The following CPEB2 variants were observed in gnomAD, a reference collection of about 807,000 sequenced individuals.
The protein encoded by CPEB2 is cytoplasmic polyadenylation element binding protein 2.
In CPEB2, 56 loss-of-function variants were observed where a neutral mutation model predicts 93.6. The observed-to-expected ratio is 0.60, with a 90% CI of 0.48 to 0.75. The LOEUF (loss-of-function observed/expected upper bound fraction) is 0.75. CPEB2 is among the 30% of genes least tolerant of loss of function. CPEB2 has a pLI of 0.00. For missense variants in CPEB2, 1,579 were observed against 1,395.1 expected, an observed-to-expected ratio of 1.13 and a Z score of -2.10; for synonymous variants, 764 against 586.3, an observed-to-expected ratio of 1.30 and a Z score of -4.38.
At chr4:15,035,363 T>C (rs1726506985) in intron 5 of CPEB2, among the ~76,000 whole-genome samples, 1 of 152,170 alleles carries the variant, frequency 6.6e-6, no homozygotes, top group Non-Finnish European at 1.5e-5. Flanking sequence ...TCAGTTTGTT[T>C]ATGTCTAAAA....
chr4:15,035,734 A>C (rs1019787612), intron 5 of CPEB2, among the ~76,000 whole-genome samples: 4 of 152,202 alleles, frequency 2.6e-5, no homozygotes, highest in African/African-American at 9.7e-5. Context: ...AACCCCCCAA[A>C]AAAGTAAAAT....
At position 15,015,572 on chromosome 4, in the gene CPEB2, T is replaced by A. The variant is rs184088769; in HGVS notation, c.2035-1616T>A. ...TAAACATCAAAGTAAAGTAAATAAA[T>A]GAACATATTCTTAGAAAAGCTTTTT... On this transcript the variant is annotated intron_variant, in intron 3 of 11. Transcript: ENST00000538197. Among the ~76,000 whole-genome samples, 57 of 152,172 alleles carry A rather than the reference T, an allele frequency of 3.7e-4. No individual in the cohort carries two copies. The East Asian group carries it at 9.5e-3, about 25-fold the overall frequency.
intron 3 of CPEB2, among the ~76,000 whole-genome samples, chr4:15,015,486 G>A (rs983600131): frequency 1.3e-5 from 2 of 151,972 alleles, no homozygotes; most frequent in Admixed American, 1.3e-4. Context: ...ATCCCTGACA[G>A]CAACTTAGTC....
chr4:15,004,247 G>A lies in CPEB2; in HGVS notation c.1574G>A (p.Arg525Lys). Residue 525 changes from arginine to lysine, a missense_variant, in exon 1 of 12, where the codon AGG (arginine) becomes AAG (lysine). This residue lies in a region of CPEB2 where 1,411 missense variants were observed against 1,056.0 expected (regional missense o/e 1.34). Transcript: ENST00000538197. ...PAAPQQPQSRRSPVSPQLQQQ... is the reference protein window; with the variant it reads ...PAAPQQPQSRKSPVSPQLQQQ... ...GCGCCGCAGCAGCCGCAGAGCCGGAGGTCGCCCGTCAGCCCGCAGCTCCAG... is the reference window on the plus strand; with the variant it reads ...GCGCCGCAGCAGCCGCAGAGCCGGAAGTCGCCCGTCAGCCCGCAGCTCCAG... The A allele has an allele frequency of 2.0e-6, 3 of 1,494,630 alleles. No individual in the cohort carries two copies. The highest frequency in any genetic ancestry group is 2.7e-6 in the Non-Finnish European group (3 of 1,129,150). The allele number at this position is 1,494,630 out of a possible 1,614,324, so 92.6% of individuals were successfully genotyped here.
intron 5 of CPEB2, among the ~76,000 whole-genome samples, chr4:15,036,046 T>C (rs2109037021): frequency 6.6e-6 from 1 of 152,318 alleles, no homozygotes; most frequent in East Asian, 1.9e-4. Flanking sequence ...CTTTTCAATA[T>C]TCCTTTAAGT....
intron 1 of CPEB2, chr4:15,006,559 G>T (rs1037093560): frequency 6.6e-6 from 1 of 152,146 alleles, no homozygotes; most frequent in Non-Finnish European, 1.5e-5. Context: ...ATGGAGACTT[G>T]TATCAAGATC....
At chr4:15,038,286 C>A (rs1279567377) in intron 5 of CPEB2, among the ~76,000 whole-genome samples, 2 of 152,166 alleles carry the variant, frequency 1.3e-5, no homozygotes, top group African/African-American at 4.8e-5. Flanking sequence ...GTAGCCTCAG[C>A]TAAGAACATA....
intron 5 of CPEB2, among the ~76,000 whole-genome samples, chr4:15,038,095 A>T (rs1413180328): frequency 6.6e-6 from 1 of 152,204 alleles, no homozygotes; most frequent in African/African-American, 2.4e-5. Flanking sequence ...ATTTTTGGTA[A>T]TGTAGATACT....
At chr4:15,047,258 G>A (rs975546098) in intron 6 of CPEB2, among the ~76,000 whole-genome samples, 34 of 152,038 alleles carry the variant, frequency 2.2e-4, no homozygotes, top group African/African-American at 6.0e-4. Flanking sequence ...TTGATTGTTC[G>A]TAGGCCTTTG....
intron 4 of CPEB2, among the ~76,000 whole-genome samples, chr4:15,022,161 T>C (rs1277707578): frequency 6.6e-6 from 1 of 152,124 alleles, no homozygotes; most frequent in Admixed American, 6.6e-5. Flanking sequence ...CTAGAAGTGG[T>C]GTAGTTCGTG....
Position 15,033,152 on chromosome 4 carries a change from T to C in CPEB2, c.2126-9T>C. ...AATCTTCAAACTCACCTTTCCTGTC[T>C]TTTTAAAGGTCGATTGAGCTATCCA... On this transcript the variant is annotated splice_polypyrimidine_tract_variant and intron_variant, in intron 4 of 11. Transcript: ENST00000538197. 1 of 1,597,124 alleles carries C rather than the reference T, an allele frequency of 6.3e-7. No individual in the cohort carries two copies. Among genetic ancestry groups the C allele is most frequent in the South Asian group, 1.1e-5 (1 of 89,306 alleles).
rs1249954998 is a variant in CPEB2 at position 15,070,025 on chromosome 4, C to T, written c.*3645C>T. The T allele has an allele frequency of 2.6e-5, 4 of 152,046 alleles. No individual in the cohort carries two copies. Among genetic ancestry groups the T allele is most frequent in the African/African-American group, 9.7e-5 (4 of 41,338 alleles). The allele number at this position is 152,046 out of a possible 1,614,324, so 9.4% of individuals were successfully genotyped here. A position where few individuals can be genotyped will look rare whatever the true frequency, so the allele number is the denominator to read the frequency against. Reference sequence around the variant, plus strand: ...GTTATCTTCCAGGTGTCTAAATCTCCAGTCTGTCTGTTGTACTGGTAATTT... The same window carrying T: ...GTTATCTTCCAGGTGTCTAAATCTCTAGTCTGTCTGTTGTACTGGTAATTT... On this transcript the variant is annotated 3_prime_UTR_variant, in exon 12 of 12. Coordinates refer to ENST00000538197, the MANE Select transcript of CPEB2 (RefSeq NM_001177382.2).
rs935417543 is a variant in CPEB2 at position 15,003,170 on chromosome 4, T to A, written c.497T>A (p.Phe166Tyr). 1 of 1,533,418 alleles carries A rather than the reference T, an allele frequency of 6.5e-7. No individual in the cohort carries two copies. The highest frequency in any genetic ancestry group is 8.7e-7 in the Non-Finnish European group (1 of 1,145,988). 95.0% of individuals were successfully genotyped at this position (1,533,418 alleles called of 1,614,324 possible). A position where few individuals can be genotyped will look rare whatever the true frequency, so the allele number is the denominator to read the frequency against. ...TGCCGCACCTCCTCCCCGCAGGACT[T>A]CAGTAAGCGGCAGCAGCAGCAGCTG... Reference protein sequence around the residue: ...CCCRTSSPQDFSKRQQQQLSS... With the variant: ...CCCRTSSPQDYSKRQQQQLSS... Residue 166 changes from phenylalanine to tyrosine, a missense_variant, in exon 1 of 12, where the codon TTC becomes TAC. Around this residue, in one of 2 missense-constraint regions of CPEB2, gnomAD observed 1,411 missense variants for 1,056.0 expected, o/e 1.34. Coordinates refer to ENST00000538197, the MANE Select transcript of CPEB2 (RefSeq NM_001177382.2).
intron 3 of CPEB2, among the ~76,000 whole-genome samples, chr4:15,016,642 T>C (rs1724181605): frequency 6.6e-6 from 1 of 152,002 alleles, no homozygotes; most frequent in South Asian, 2.1e-4. Flanking sequence ...GTCCCTGTTC[T>C]GGTTATTAGT....
intron 4 of CPEB2, among the ~76,000 whole-genome samples, chr4:15,030,155 T>G (rs1725940379): frequency 6.6e-6 from 1 of 152,064 alleles, no homozygotes; most frequent in African/African-American, 2.4e-5. Flanking sequence ...TATAGTAATG[T>G]GGTTTTTTTT....
At position 15,054,235 on chromosome 4, in the gene CPEB2, T is replaced by C; in HGVS notation, c.2461+18T>C. 6.4e-7 allele frequency: 1 copy of C among 1,565,680 alleles called. No individual in the cohort carries two copies. ...ACCAAAAGGTAAGGATTGTTATTGT[T>C]AATATTTGCTAGGAAATTGGTTGTA... On this transcript the variant is annotated intron_variant, in intron 8 of 11. Coordinates refer to ENST00000538197, the MANE Select transcript of CPEB2 (RefSeq NM_001177382.2).
At position 15,004,047 on chromosome 4, in the gene CPEB2, C is replaced by G; in HGVS notation, c.1374C>G (p.Asn458Lys). 6.4e-7 allele frequency: 1 copy of G among 1,566,458 alleles called. No individual in the cohort carries two copies. The highest frequency in any genetic ancestry group is 8.6e-7 in the Non-Finnish European group (1 of 1,159,084). Reference protein sequence around the residue: ...GFYPGLPSSMNPAFFPSFSPV... With the variant: ...GFYPGLPSSMKPAFFPSFSPV... ...ACCCCGGGCTGCCGTCGTCCATGAA[C>G]CCGGCCTTCTTCCCTAGCTTCTCGC... Residue 458 changes from asparagine to lysine, a missense_variant, in exon 1 of 12, where the codon AAC (asparagine) becomes AAG (lysine). By Grantham distance (94) the Asn-to-Lys change is moderately conservative. Coordinates refer to ENST00000538197, the MANE Select transcript of CPEB2 (RefSeq NM_001177382.2).
rs1729779994 is a variant in CPEB2 at position 15,067,390 on chromosome 4, G to A, written c.*1010G>A. 6.6e-6 allele frequency: 1 copy of A among 152,472 alleles called. No individual in the cohort carries two copies. The highest frequency in any genetic ancestry group is 2.4e-5 in the African/African-American group (1 of 41,416). The allele number at this position is 152,472 out of a possible 1,614,324, so 9.4% of individuals were successfully genotyped here. ...GAATTCGATTTTATGCAGACTGGAT[G>A]TAATATTTGTAATCCCTGTGCAATT... On this transcript the variant is annotated 3_prime_UTR_variant, in exon 12 of 12. Coordinates refer to ENST00000538197, the MANE Select transcript of CPEB2 (RefSeq NM_001177382.2).
chr4:15,007,660 T>C, intron 2 of CPEB2, 74 bp downstream of exon 2: 1 of 946,812 alleles, frequency 1.1e-6, no homozygotes, highest in East Asian at 2.9e-5. Flanking sequence ...GTGGTGGTAG[T>C]GGTATGCTAA....
Sources: gnomAD v4.1 joint callset for allele counts (sites outside exome capture counted in the v4.1 genomes callset) on GRCh38, gnomAD v4.1.1 for gene constraint, gnomAD v4.1.1 regional missense constraint, MANE v1.5 for transcripts, NCBI Gene and HGNC (gene_info 2026-07-23, HGNC 2026-07-21) for gene names.